CORIN: variants seen among roughly 807,000 people sequenced by gnomAD.
CORIN encodes the protein corin, serine peptidase, also known as atrial natriuretic peptide-converting enzyme.
Under a neutral mutation model 125.3 loss-of-function variants are expected in CORIN, and 117 were observed. That is an observed-to-expected ratio of 0.93 (90% CI 0.80 to 1.09). The LOEUF (loss-of-function observed/expected upper bound fraction) is 1.09. Among genes scored for constraint, CORIN ranks in the 50% least tolerant of loss-of-function variants. CORIN has a pLI of 0.00. For missense variants in CORIN, 1,253 were observed against 1,306.7 expected (o/e 0.96, Z 0.63); for synonymous variants, 450 against 466.4 (o/e 0.96, Z 0.45).
intron 1 of CORIN, among the ~76,000 whole-genome samples, chr4:47,817,295 AATAT>A (rs5858089): frequency 6.8e-6 from 1 of 147,990 alleles, no homozygotes. Context: ...TATATAACAA[AATAT>A]ATATATATAT....
intron 3 of CORIN, among the ~76,000 whole-genome samples, chr4:47,767,532 T>C (rs1240781382): frequency 3.3e-5 from 5 of 152,076 alleles, no homozygotes; most frequent in African/African-American, 1.2e-4. Context: ...AAAAAAATCA[T>C]CAATAACTTC....
At chr4:47,800,149 A>G (rs1731476526) in intron 2 of CORIN, among the ~76,000 whole-genome samples, 1 of 152,160 alleles carries the variant, frequency 6.6e-6, no homozygotes, top group Non-Finnish European at 1.5e-5. Flanking sequence ...GATGACAAAA[A>G]TGTCCTAAAA....
intron 17 of CORIN, 137 bp downstream of exon 17, chr4:47,626,268 C>A: frequency 1.6e-6 from 1 of 630,468 alleles, no homozygotes; most frequent in Non-Finnish European, 2.8e-6. Context: ...AATGTAAAGG[C>A]AATAGTAAAT....
intron 5 of CORIN, among the ~76,000 whole-genome samples, chr4:47,737,162 G>C (rs984822790): frequency 1.3e-5 from 2 of 152,342 alleles, no homozygotes; most frequent in Middle Eastern, 3.4e-3. Flanking sequence ...TCTCAGAATG[G>C]AGAAAAACCA....
Position 47,692,991 on chromosome 4 carries a change from A to C in CORIN, c.892T>G (p.Trp298Gly). The stretch of plus-strand genomic sequence containing the variant: ...ATACTGCAATGAGCCTCGTCACTCC[A>C]GTCGTCACAGTCGTTGTAGCCATTA... ...QCNGYNDCDD[W>G]SDEAHCNCSE... The change falls in exon 6 of 22, where the codon TGG (tryptophan) becomes GGG (glycine). Residue 298 changes from tryptophan to glycine, a missense_variant. Transcript: ENST00000273857. The C allele has an allele frequency of 6.2e-7, 1 of 1,613,736 alleles. No individual in the cohort carries two copies. The highest frequency in any genetic ancestry group is 8.5e-7 in the Non-Finnish European group (1 of 1,179,668).
chr4:47,632,725 T>TTAGATA (rs5858081), intron 16 of CORIN, among the ~76,000 whole-genome samples: 1 of 126,658 alleles, frequency 7.9e-6, no homozygotes, highest in African/African-American at 3.2e-5. Context: ...TGACAATAGA[T>TTAGATA]GATAGATAGA....
Position 47,671,825 on chromosome 4 carries a change from A to G in CORIN, c.1357+2568T>C, listed in dbSNP as rs1353189525. ...AGGATGGTCTCAATCTCCTGACCTC[A>G]TGATCCACCCGCCTCGGCCTCCCAA... On this transcript the variant is annotated intron_variant, in intron 10 of 21. Transcript: ENST00000273857. 2.0e-5 allele frequency among the ~76,000 whole-genome samples: 3 copies of G among 151,810 alleles called. No individual in the cohort carries two copies. In the East Asian group the frequency reaches 5.9e-4, roughly 30 times the overall value.
intron 2 of CORIN, among the ~76,000 whole-genome samples, chr4:47,797,012 G>A (rs1435232702): frequency 1.3e-5 from 2 of 151,810 alleles, no homozygotes; most frequent in African/African-American, 4.8e-5. Flanking sequence ...CCTCACTGTG[G>A]AGTCCCTGAG....
At chr4:47,796,626 T>G (rs1265546454) in intron 2 of CORIN, among the ~76,000 whole-genome samples, 1 of 152,070 alleles carries the variant, frequency 6.6e-6, no homozygotes, top group Non-Finnish European at 1.5e-5. Context: ...TTGGAGGTGA[T>G]GGATATGTTT....
intron 1 of CORIN, among the ~76,000 whole-genome samples, chr4:47,833,582 T>A (rs1440310771): frequency 2.0e-5 from 3 of 149,310 alleles, no homozygotes; most frequent in African/African-American, 4.9e-5. Context: ...AAAAAGCTTC[T>A]GCATAGCAAA....
chr4:47,596,681 T>C (rs1334448962), intron 21 of CORIN, among the ~76,000 whole-genome samples: 1 of 152,172 alleles, frequency 6.6e-6, no homozygotes, highest in Non-Finnish European at 1.5e-5. Context: ...AGAGCTGATA[T>C]CATGGAAAAT....
intron 10 of CORIN, among the ~76,000 whole-genome samples, chr4:47,673,698 A>G (rs1433692818): frequency 6.6e-6 from 1 of 152,164 alleles, no homozygotes. Flanking sequence ...ACTGTCACCG[A>G]AACAAATTAG....
chr4:47,803,344 A>G (rs1273713074), intron 2 of CORIN, among the ~76,000 whole-genome samples: 2 of 152,216 alleles, frequency 1.3e-5, no homozygotes, highest in African/African-American at 4.8e-5. Flanking sequence ...TCATAGAAAT[A>G]GAAAAAACAA....
chr4:47,600,630 T>A (rs1288740622), intron 20 of CORIN, among the ~76,000 whole-genome samples: 1 of 152,142 alleles, frequency 6.6e-6, no homozygotes, highest in Non-Finnish European at 1.5e-5. Context: ...CCTTACCATA[T>A]GCTACAACCA....
intron 16 of CORIN, among the ~76,000 whole-genome samples, chr4:47,626,995 T>TGTTGTTGTTG (rs148244763): frequency 1.0e-4 from 15 of 146,842 alleles, no homozygotes; most frequent in Non-Finnish European, 8.9e-5. Flanking sequence ...TTGTTGTTGT[T>TGTTGTTGTTG]TTTTTTTTGA....
At chr4:47,644,446 A>G (rs1723379153) in intron 14 of CORIN, among the ~76,000 whole-genome samples, 1 of 152,226 alleles carries the variant, frequency 6.6e-6, no homozygotes, top group Admixed American at 6.5e-5. Flanking sequence ...AATAAAAGAT[A>G]AATGTCTTCA....
At chr4:47,623,527 G>A in intron 19 of CORIN, 44 bp downstream of exon 19, 2 of 1,593,340 alleles carry the variant, frequency 1.3e-6, no homozygotes, top group Non-Finnish European at 1.7e-6. Context: ...GAGTGACAAA[G>A]TGATCAAATC....
At chr4:47,665,344 T>C in intron 10 of CORIN, 81 bp from the exon 11 acceptor site, 1 of 996,028 alleles carries the variant, frequency 1.0e-6, no homozygotes, top group Non-Finnish European at 1.5e-6. Context: ...ACTTGAAGTC[T>C]ATTTTATTCT....
At chr4:47,684,445 T>C (rs1188890682) in intron 6 of CORIN, among the ~76,000 whole-genome samples, 1 of 152,150 alleles carries the variant, frequency 6.6e-6, no homozygotes, top group East Asian at 1.9e-4. Context: ...GGGCAAATGG[T>C]TTCCTGATTT....
Sources: allele counts gnomAD v4.1 joint callset (sites outside exome capture counted in the v4.1 genomes callset), GRCh38; gene constraint gnomAD v4.1.1; transcripts MANE v1.5; gene names NCBI Gene and HGNC (gene_info 2026-07-23, HGNC 2026-07-21).